POU6F2: variants seen among roughly 807,000 people sequenced by gnomAD.
POU6F2 encodes the protein POU class 6 homeobox 2, also known as POU domain, class 6, transcription factor 2.
Under a neutral mutation model 71.3 loss-of-function variants are expected in POU6F2, and 31 were observed. The ratio of observed to expected loss-of-function variants is 0.43; its 90% CI spans 0.33 to 0.59. The LOEUF (loss-of-function observed/expected upper bound fraction) is 0.59, where lower values mean the gene tolerates loss of function less well. POU6F2 is among the 20% of genes least tolerant of loss of function. POU6F2 has a pLI of 0.04. For synonymous variants in POU6F2, 347 were observed against 355.7 expected, an observed-to-expected ratio of 0.98 and a Z score of 0.27; for missense variants, 783 against 856.8, an observed-to-expected ratio of 0.91 and a Z score of 1.07.
At chr7:39,435,326 C>T (rs75128322) in intron 7 of POU6F2, among the ~76,000 whole-genome samples, 1 of 152,168 alleles carries the variant, frequency 6.6e-6, no homozygotes, top group East Asian at 1.9e-4. Flanking sequence ...AATCACCATT[C>T]TGATTGGCAT....
chr7:39,350,084 C>T (rs1236993600), intron 5 of POU6F2, among the ~76,000 whole-genome samples: 1 of 152,212 alleles, frequency 6.6e-6, no homozygotes, highest in East Asian at 1.9e-4. Context: ...ATCAATGCAA[C>T]CCTTCCAGCC....
At chr7:39,450,326 C>G (rs1030566540) in intron 7 of POU6F2, among the ~76,000 whole-genome samples, 2 of 152,164 alleles carry the variant, frequency 1.3e-5, no homozygotes, top group Non-Finnish European at 2.9e-5. Flanking sequence ...CCTTGCTACA[C>G]CTCTGTGAGA....
At chr7:39,455,149 C>G (rs1788770404) in intron 8 of POU6F2, among the ~76,000 whole-genome samples, 1 of 152,084 alleles carries the variant, frequency 6.6e-6, no homozygotes, top group Non-Finnish European at 1.5e-5. Flanking sequence ...AAGTACTTGA[C>G]AAATGTCCCA....
intron 4 of POU6F2, among the ~76,000 whole-genome samples, chr7:39,272,737 C>T (rs753340005): frequency 9.9e-5 from 15 of 152,068 alleles, no homozygotes; most frequent in Non-Finnish European, 1.2e-4. Context: ...TTTAGGAAGA[C>T]CTATTTTTAA....
At chr7:39,230,617 T>C (rs1794556859) in intron 4 of POU6F2, among the ~76,000 whole-genome samples, 1 of 151,940 alleles carries the variant, frequency 6.6e-6, no homozygotes, top group Non-Finnish European at 1.5e-5. Context: ...TCTAAATACG[T>C]CTCCTTCCCA....
intron 2 of POU6F2, among the ~76,000 whole-genome samples, chr7:39,126,931 C>T (rs1474632294): frequency 6.6e-6 from 1 of 152,110 alleles, no homozygotes; most frequent in Non-Finnish European, 1.5e-5. Context: ...TTTTGACCAT[C>T]ACAGCCCAGT....
chr7:39,348,462 C>A (rs546061587), intron 5 of POU6F2, among the ~76,000 whole-genome samples: 3 of 152,202 alleles, frequency 2.0e-5, no homozygotes, highest in Non-Finnish European at 4.4e-5. Context: ...TCTTTGGTCT[C>A]TCTTTTTCTC....
chr7:39,454,655 GATATATATATATATATATATATATATAT>G (rs70977474), intron 8 of POU6F2, among the ~76,000 whole-genome samples: 1,961 of 63,302 alleles, frequency 0.031, 218 homozygotes, highest in East Asian at 0.081. Context: ...GAAGACCAGG[GATATATATATATATATATATATATATAT>G]ATATATATAT....
intron 4 of POU6F2, among the ~76,000 whole-genome samples, chr7:39,230,390 C>T (rs1794552843): frequency 6.6e-6 from 1 of 151,328 alleles, no homozygotes; most frequent in African/African-American, 2.4e-5. Flanking sequence ...GAGACTGAGG[C>T]AAAGGACCAC....
intron 2 of POU6F2, among the ~76,000 whole-genome samples, chr7:39,127,150 T>C (rs889359804): frequency 6.6e-5 from 10 of 152,246 alleles, no homozygotes; most frequent in Admixed American, 3.3e-4. Context: ...TTCTCTTTTG[T>C]ACTTGGTCTT....
At chr7:39,443,313 C>T (rs1292603574) in intron 7 of POU6F2, among the ~76,000 whole-genome samples, 2 of 152,222 alleles carry the variant, frequency 1.3e-5, no homozygotes, top group African/African-American at 2.4e-5. Flanking sequence ...AGAGCGGGCT[C>T]CCTTCACCAG....
intron 4 of POU6F2, among the ~76,000 whole-genome samples, chr7:39,337,079 A>G (rs1460452032): frequency 6.6e-6 from 1 of 152,220 alleles, no homozygotes; most frequent in Non-Finnish European, 1.5e-5. Flanking sequence ...AACTTTTAAC[A>G]AAGATTCAAT....
chr7:39,012,951 G>C (rs1387551908), intron 1 of POU6F2: 1 of 152,270 alleles, frequency 6.6e-6, no homozygotes, highest in African/African-American at 2.4e-5. Context: ...GGACATTTAA[G>C]TCTGCAGAGG....
intron 2 of POU6F2, among the ~76,000 whole-genome samples, chr7:39,128,063 G>A (rs961915850): frequency 1.3e-5 from 2 of 151,608 alleles, no homozygotes; most frequent in African/African-American, 2.4e-5. Flanking sequence ...GGATGGTCTC[G>A]ATCCCCTGAC....
chr7:39,157,155 A>T (rs1427798802), intron 2 of POU6F2, among the ~76,000 whole-genome samples: 1 of 152,142 alleles, frequency 6.6e-6, no homozygotes, highest in Non-Finnish European at 1.5e-5. Context: ...CCGGTGGGGG[A>T]ACCAGTGAGC....
chr7:39,017,873 A>G (rs555773301), intron 1 of POU6F2, among the ~76,000 whole-genome samples: 1 of 149,424 alleles, frequency 6.7e-6, no homozygotes, highest in East Asian at 2.0e-4. Context: ...GAATTATCCT[A>G]TTAGTTTTCT....
intron 2 of POU6F2, among the ~76,000 whole-genome samples, chr7:39,131,638 T>C (rs542199926): frequency 1.1e-4 from 17 of 152,284 alleles, no homozygotes; most frequent in Admixed American, 9.8e-4. Flanking sequence ...CCATTTTCTA[T>C]ATCCTGGCTG....
intron 2 of POU6F2, chr7:39,120,768 A>C (rs1257905193): frequency 6.6e-6 from 1 of 152,232 alleles, no homozygotes; most frequent in African/African-American, 2.4e-5. Context: ...CTGTAATTGG[A>C]AAAACACTGC....
At chr7:39,178,164 G>A (rs908454185) in intron 2 of POU6F2, among the ~76,000 whole-genome samples, 1 of 152,152 alleles carries the variant, frequency 6.6e-6, no homozygotes, top group Non-Finnish European at 1.5e-5. Context: ...TGAGGCAGGA[G>A]AATTGCTTGA....
Sources: gnomAD v4.1 joint callset for allele counts (sites outside exome capture counted in the v4.1 genomes callset) on GRCh38, gnomAD v4.1.1 for gene constraint, MANE v1.5 for transcripts, NCBI Gene and HGNC (gene_info 2026-07-23, HGNC 2026-07-21) for gene names.